TPRKB: variants seen among roughly 807,000 people sequenced by gnomAD.
The protein encoded by TPRKB is EKC/KEOPS complex subunit TPRKB.
A neutral mutation model predicts 17.8 loss-of-function variants in TPRKB; 11 were observed. The observed-to-expected ratio is 0.62, with a 90% CI of 0.39 to 1.02. The LOEUF is 1.02. Ranked by LOEUF, TPRKB falls within the 50% of genes least tolerant of loss-of-function variation. TPRKB has a pLI of 0.00. For synonymous variants in TPRKB, 71 were observed against 69.5 expected (o/e 1.02, Z -0.11); for missense variants, 228 against 198.0 (o/e 1.15, Z -0.91).
intron 1 of TPRKB, 135 bp from the exon 2 acceptor site, chr2:73,734,726 A>G (rs1671800058): frequency 6.4e-6 from 5 of 782,144 alleles, no homozygotes; most frequent in Non-Finnish European, 9.7e-6. Flanking sequence ...GCCAAAGCCC[A>G]TTTGGCATCC....
At chr2:73,731,646 T>A (rs1468832416) in intron 3 of TPRKB, among the ~76,000 whole-genome samples, 1 of 152,230 alleles carries the variant, frequency 6.6e-6, no homozygotes, top group Non-Finnish European at 1.5e-5. Context: ...GTGATGTCTT[T>A]AGCTTGATAA....
Position 73,730,597 on chromosome 2 carries a change from T to C in TPRKB, c.404A>G (p.Asn135Ser). 6.3e-7 allele frequency: 1 copy of C among 1,590,196 alleles called. No homozygotes were observed. Among genetic ancestry groups the C allele is most frequent in the South Asian group, 1.2e-5 (1 of 85,220 alleles). ...TGTAATATTCATTATTTCAGGAAGA[T>C]TTTTCAGAGAAACCTGATGACCTTC... ...QVEGHQVSLK[N>S]LPEIMNITEV... The change falls in exon 4 of 5, where the codon AAT becomes AGT. Residue 135 changes from asparagine (N) to serine (S), a missense_variant. Asn to Ser is a conservative substitution (Grantham distance 46). Coordinates refer to ENST00000272424, the MANE Select transcript of TPRKB (RefSeq NM_016058.5).
intron 1 of TPRKB, among the ~76,000 whole-genome samples, chr2:73,736,393 T>C (rs1379213812): frequency 6.6e-6 from 1 of 152,246 alleles, no homozygotes; most frequent in Non-Finnish European, 1.5e-5. Context: ...ATGTATGTTC[T>C]GAATTTTCTA....
intron 2 of TPRKB, among the ~76,000 whole-genome samples, chr2:73,733,737 C>A (rs975106877): frequency 2.0e-5 from 3 of 151,866 alleles, no homozygotes; most frequent in Non-Finnish European, 4.4e-5. Context: ...TTTCCCTAAC[C>A]GTGACAGATT....
In TPRKB at chr2:73,732,202, T is replaced by C. The variant is rs774383163; in HGVS notation, c.225A>G (p.Leu75=). 7.4e-6 allele frequency: 12 copies of C among 1,613,808 alleles called. No homozygotes were observed. The African/African-American group carries it at 1.5e-4, about 20-fold the overall frequency. Residue 75 remains leucine (L), a synonymous_variant, in exon 3 of 5, where the codon CTA becomes CTG. Transcript: ENST00000272424. ...YKLGKMKTRT[L]STEIIFNLSP... ...AAAGGTTGAAAATAATTTCAGTAGATAGAGTTCTTGTCTTCATTTTTCCCA... is the reference window on the plus strand; with the variant it reads ...AAAGGTTGAAAATAATTTCAGTAGACAGAGTTCTTGTCTTCATTTTTCCCA...
chr2:73,733,814 CTTTTTTTTT>C (rs755122123), intron 2 of TPRKB, among the ~76,000 whole-genome samples: 2 of 114,040 alleles, frequency 1.8e-5, no homozygotes, highest in African/African-American at 3.9e-5. Context: ...CTCATTCATT[CTTTTTTTTT>C]TTTTTTTTTT....
intron 2 of TPRKB, 50 bp downstream of exon 2, chr2:73,734,379 G>GT (rs756936656): frequency 6.4e-7 from 1 of 1,569,420 alleles, no homozygotes; most frequent in Non-Finnish European, 8.6e-7. Context: ...CATTACAGGC[G>GT]TGAGCCACCG....
chr2:73,732,516 G>T (rs148361686), intron 2 of TPRKB: 12 of 459,302 alleles, frequency 2.6e-5, no homozygotes, highest in African/African-American at 2.4e-4. Flanking sequence ...TTCAAGACCA[G>T]CCTGGCCAAC....
At chr2:73,730,943 C>T (rs1220734085) in intron 3 of TPRKB, 7 of 409,910 alleles carry the variant, frequency 1.7e-5, no homozygotes, top group African/African-American at 1.0e-4. Context: ...AAAGGTACGC[C>T]TTGTTCCTAT....
intron 2 of TPRKB, among the ~76,000 whole-genome samples, chr2:73,734,190 C>T (rs1215742942): frequency 2.0e-5 from 3 of 151,996 alleles, no homozygotes; most frequent in Non-Finnish European, 2.9e-5. Context: ...CCTCTGCCTC[C>T]AGGGTTCAAA....
chr2:73,734,512 A>T lies in TPRKB; in HGVS notation c.58T>A (p.Phe20Ile). 1 of 1,614,152 alleles carries T rather than the reference A, an allele frequency of 6.2e-7. No homozygotes were observed. The highest frequency in any genetic ancestry group is 8.5e-7 in the Non-Finnish European group (1 of 1,179,996). The change falls in exon 2 of 5, where the codon TTT (phenylalanine) becomes ATT (isoleucine). Residue 20 changes from phenylalanine to isoleucine, a missense_variant. Phe to Ile is a conservative substitution (Grantham distance 21, BLOSUM62 0). Coordinates refer to ENST00000272424, the MANE Select transcript of TPRKB (RefSeq NM_016058.5). ...FPECRVTLLL[F>I]KDVKNAGDLR... is the part of the protein sequence containing the mutation. ...TCTCCCGCATTTTTTACATCTTTAA[A>T]TAACAGAAGGGTTACCCTGCATTCG...
intron 2 of TPRKB, among the ~76,000 whole-genome samples, chr2:73,733,168 T>C (rs1417650063): frequency 1.3e-5 from 2 of 152,028 alleles, no homozygotes; most frequent in African/African-American, 4.8e-5. Flanking sequence ...ATATAAAGGT[T>C]GGTTATGTCT....
At position 73,729,887 on chromosome 2, in the gene TPRKB, A is replaced by G. The variant is rs1671508114; in HGVS notation, c.*56T>C. On this transcript the variant is annotated 3_prime_UTR_variant, in exon 5 of 5. Transcript: ENST00000272424. ...TGCACAATTAGTTTTATAGTCAGGA[A>G]AGGAAAATCAATGTTTTCTTTAATG... 2.0e-5 allele frequency: 29 copies of G among 1,436,768 alleles called. No homozygotes were observed. Among genetic ancestry groups the G allele is most frequent in the Non-Finnish European group, 2.6e-5 (28 of 1,075,856 alleles). The allele number at this position is 1,436,768 out of a possible 1,614,324, so 89.0% of individuals were successfully genotyped here. A position where few individuals can be genotyped will look rare whatever the true frequency, so the allele number is the denominator to read the frequency against.
intron 4 of TPRKB, chr2:73,730,339 T>G: frequency 4.4e-6 from 2 of 451,696 alleles, no homozygotes; most frequent in Non-Finnish European, 7.6e-6. Context: ...ATTCTCTTTC[T>G]TAATGTGGAG....
chr2:73,733,422 C>T (rs909557888), intron 2 of TPRKB, among the ~76,000 whole-genome samples: 1 of 152,034 alleles, frequency 6.6e-6, no homozygotes, highest in African/African-American at 2.4e-5. Flanking sequence ...CCACACCCAG[C>T]TACTTTTTGT....
In TPRKB at chr2:73,730,039, T is replaced by C; in HGVS notation, c.442-10A>G. The C allele has an allele frequency of 6.4e-7, 1 of 1,550,870 alleles. No individual in the cohort carries two copies. The highest frequency in any genetic ancestry group is 8.7e-7 in the Non-Finnish European group (1 of 1,146,510). On this transcript the variant is annotated splice_polypyrimidine_tract_variant and intron_variant, in intron 4 of 4. Transcript: ENST00000272424. ...AAGAGAGTTTATATATCTGTAAAAATGAAAGACAAATTATGACTTGCTGAT... is the reference window on the plus strand; with the variant it reads ...AAGAGAGTTTATATATCTGTAAAAACGAAAGACAAATTATGACTTGCTGAT...
chr2:73,730,585 A>T lies in TPRKB; in HGVS notation c.416T>A (p.Ile139Lys). 1 of 1,590,780 alleles carries T rather than the reference A, an allele frequency of 6.3e-7. No individual in the cohort carries two copies. Among genetic ancestry groups the T allele is most frequent in the Non-Finnish European group, 8.5e-7 (1 of 1,173,166 alleles). ...HQVSLKNLPE[I>K]MNITEVKKIY... ...CTTTTTGACTTCTGTAATATTCATT[A>T]TTTCAGGAAGATTTTTCAGAGAAAC... The change falls in exon 4 of 5, where the codon ATA (isoleucine) becomes AAA (lysine). Residue 139 changes from isoleucine to lysine, a missense_variant. Ile to Lys is a moderately radical substitution (Grantham distance 102). Coordinates refer to ENST00000272424, the MANE Select transcript of TPRKB (RefSeq NM_016058.5).
chr2:73,734,626 T>A, intron 1 of TPRKB, 35 bp from the exon 2 acceptor site: 1 of 1,505,640 alleles, frequency 6.6e-7, no homozygotes. Flanking sequence ...AAGATTTCAT[T>A]TAAAAGTTAA....
chr2:73,730,676 A>G lies in TPRKB; in HGVS notation c.325T>C (p.Tyr109His). Residue 109 changes from tyrosine (Y) to histidine (H), a missense_variant, in exon 4 of 5, where the codon TAC (tyrosine) becomes CAC (histidine). Coordinates refer to ENST00000272424, the MANE Select transcript of TPRKB (RefSeq NM_016058.5). Reference sequence around the variant, plus strand: ...ATTTGTTTTTCTCCCTCTTCAATGTAAACAATTAGAATTGAAGTGTCATTT... The same window carrying G: ...ATTTGTTTTTCTCCCTCTTCAATGTGAACAATTAGAATTGAAGTGTCATTT... The part of the protein sequence containing the change: ...SANDTSILIV[Y>H]IEEGEKQINQ... 6.3e-7 allele frequency: 1 copy of G among 1,577,996 alleles called. No individual in the cohort carries two copies. The highest frequency in any genetic ancestry group is 8.6e-7 in the Non-Finnish European group (1 of 1,167,802).
Sources: allele counts gnomAD v4.1 joint callset (sites outside exome capture counted in the v4.1 genomes callset), GRCh38; gene constraint gnomAD v4.1.1; transcripts MANE v1.5; gene names NCBI Gene and HGNC (gene_info 2026-07-23, HGNC 2026-07-21).